The following DLG2 variants were observed in gnomAD, a reference collection of about 807,000 sequenced individuals.
The protein encoded by DLG2 is disks large homolog 2.
DLG2 carries 45 observed loss-of-function variants against 132.5 expected under a neutral mutation model. The ratio of observed to expected loss-of-function variants is 0.34; its 90% CI spans 0.27 to 0.44. The LOEUF is 0.44. Ranked by LOEUF, DLG2 falls within the 20% of genes least tolerant of loss-of-function variation. The pLI is 1.00. For synonymous variants in DLG2, 424 were observed against 419.6 expected, an observed-to-expected ratio of 1.01 and a Z score of -0.13; for missense variants, 1,045 against 1,196.9, an observed-to-expected ratio of 0.87 and a Z score of 1.87.
chr11:84,298,366 T>A (rs1162630186), intron 7 of DLG2, among the ~76,000 whole-genome samples: 1 of 152,164 alleles, frequency 6.6e-6, no homozygotes, highest in African/African-American at 2.4e-5. Context: ...CCTGGACACT[T>A]AGAATGATTG....
At chr11:83,614,726 A>C (rs1424675901) in intron 19 of DLG2, among the ~76,000 whole-genome samples, 1 of 152,192 alleles carries the variant, frequency 6.6e-6, no homozygotes, top group East Asian at 1.9e-4. Flanking sequence ...TCTCAACAAC[A>C]ACAACAAACC....
intron 5 of DLG2, among the ~76,000 whole-genome samples, chr11:85,139,282 C>G (rs2076312019): frequency 6.6e-6 from 1 of 152,020 alleles, no homozygotes; most frequent in South Asian, 2.1e-4. Flanking sequence ...ATAACAGATG[C>G]TAAACAGAGA....
intron 21 of DLG2, among the ~76,000 whole-genome samples, chr11:83,512,218 C>G (rs1354556508): frequency 6.6e-6 from 1 of 152,148 alleles, no homozygotes; most frequent in Non-Finnish European, 1.5e-5. Flanking sequence ...CTTCTGCCCT[C>G]TTCTCTCCCC....
intron 7 of DLG2, among the ~76,000 whole-genome samples, chr11:84,469,588 T>C (rs2099103375): frequency 6.6e-6 from 1 of 151,634 alleles, no homozygotes; most frequent in African/African-American, 2.4e-5. Flanking sequence ...TCAACATTAC[T>C]ATCATTAAAT....
intron 7 of DLG2, among the ~76,000 whole-genome samples, chr11:84,363,208 G>A (rs893991163): frequency 6.6e-6 from 1 of 152,008 alleles, no homozygotes; most frequent in Non-Finnish European, 1.5e-5. Flanking sequence ...CATTCTAACT[G>A]GTGTGATATG....
intron 6 of DLG2, among the ~76,000 whole-genome samples, chr11:84,787,345 T>G (rs888801139): frequency 2.0e-5 from 3 of 152,178 alleles, no homozygotes; most frequent in Non-Finnish European, 4.4e-5. Flanking sequence ...CATGTCCTAC[T>G]CTAGCCAAAT....
intron 7 of DLG2, among the ~76,000 whole-genome samples, chr11:84,367,662 GT>G (rs1310155358): frequency 9.2e-5 from 14 of 152,026 alleles, no homozygotes; most frequent in African/African-American, 3.4e-4. Context: ...AGATGAGTCT[GT>G]TAAAAAAGTG....
At chr11:84,742,746 T>C (rs1427784907) in intron 6 of DLG2, among the ~76,000 whole-genome samples, 1 of 152,144 alleles carries the variant, frequency 6.6e-6, no homozygotes, top group Non-Finnish European at 1.5e-5. Context: ...GTATCAGCAA[T>C]TATTGTATCA....
At chr11:84,689,818 C>T (rs2057809730) in intron 6 of DLG2, among the ~76,000 whole-genome samples, 1 of 151,870 alleles carries the variant, frequency 6.6e-6, no homozygotes, top group Admixed American at 6.6e-5. Flanking sequence ...GACACACACA[C>T]ACACAAACAT....
intron 2 of DLG2, among the ~76,000 whole-genome samples, chr11:85,609,937 G>A (rs2080872916): frequency 6.6e-6 from 1 of 152,174 alleles, no homozygotes; most frequent in African/African-American, 2.4e-5. Flanking sequence ...TGCCTTTCTT[G>A]TTATGCCTGA....
Position 84,272,864 on chromosome 11 carries a change from T to C in DLG2, c.520-21573A>G, listed in dbSNP as rs187125071. On this transcript the variant is annotated intron_variant, in intron 7 of 27. Transcript: ENST00000376104. ...AACATTAATATATGGAATATCAATA[T>C]TGTTTCCTTTCTTTAGTACATGCCA... 1.4e-4 allele frequency among the ~76,000 whole-genome samples: 21 copies of C among 152,318 alleles called. No homozygotes were observed. The East Asian group carries it at 3.9e-3, about 28-fold the overall frequency.
intron 7 of DLG2, among the ~76,000 whole-genome samples, chr11:84,526,910 C>G (rs897962982): frequency 6.6e-6 from 1 of 151,790 alleles, no homozygotes; most frequent in Non-Finnish European, 1.5e-5. Flanking sequence ...TCCCGAGTAG[C>G]TGGGACTACA....
intron 7 of DLG2, among the ~76,000 whole-genome samples, chr11:84,429,151 T>G (rs1404144180): frequency 6.6e-6 from 1 of 152,226 alleles, no homozygotes; most frequent in Non-Finnish European, 1.5e-5. Flanking sequence ...TTACTAATGG[T>G]CAAGGAAGTT....
At chr11:84,098,870 C>A in intron 10 of DLG2, 53 bp downstream of exon 10, 1 of 1,586,450 alleles carries the variant, frequency 6.3e-7, no homozygotes, top group South Asian at 1.1e-5. Context: ...AAATGTGTCT[C>A]ATTGATGCAG....
At chr11:84,582,181 C>T (rs1454835505) in intron 6 of DLG2, among the ~76,000 whole-genome samples, 1 of 151,456 alleles carries the variant, frequency 6.6e-6, no homozygotes, top group Non-Finnish European at 1.5e-5. Context: ...ACTTGAAAAC[C>T]AGGATAAGTT....
chr11:84,065,124 T>C (rs1311072353), intron 10 of DLG2, among the ~76,000 whole-genome samples: 1 of 152,034 alleles, frequency 6.6e-6, no homozygotes, highest in Non-Finnish European at 1.5e-5. Context: ...CCCTGGAAGA[T>C]AACCTAGGAA....
Position 85,354,812 on chromosome 11 carries a change from A to G in DLG2, c.41-69447T>C, listed in dbSNP as rs1049795315. ...ATTCTTATGAATATTAATTTTTCAA[A>G]TGCTTTTTTGGCTGGTCTTCCCCAC... is the stretch of plus-strand genomic sequence containing the variant. On this transcript the variant is annotated intron_variant, in intron 3 of 27. Coordinates refer to ENST00000376104, the MANE Select transcript of DLG2 (RefSeq NM_001142699.3). Among the ~76,000 whole-genome samples the G allele has an allele frequency of 2.0e-5, 3 of 151,850 alleles. No homozygotes were observed. In the Admixed American group the frequency reaches 2.0e-4, roughly 10 times the overall value.
intron 9 of DLG2, among the ~76,000 whole-genome samples, chr11:84,120,411 A>T (rs61897633): frequency 0.016 from 2,512 of 152,340 alleles, 31 homozygotes; most frequent in Non-Finnish European, 0.021. Context: ...GAATTATATT[A>T]AAGGGGATAC....
chr11:83,761,680 T>G (rs1274987406), intron 18 of DLG2, among the ~76,000 whole-genome samples: 1 of 152,134 alleles, frequency 6.6e-6, no homozygotes, highest in African/African-American at 2.4e-5. Flanking sequence ...AATGGCTACA[T>G]AGACATCTCT....
Sources: gnomAD v4.1 joint callset for allele counts (sites outside exome capture counted in the v4.1 genomes callset) on GRCh38, gnomAD v4.1.1 for gene constraint, MANE v1.5 for transcripts, NCBI Gene and HGNC (gene_info 2026-07-23, HGNC 2026-07-21) for gene names.